TRAPPC9: variants seen among roughly 807,000 people sequenced by gnomAD.
The protein encoded by TRAPPC9 is trafficking protein particle complex subunit 9.
In TRAPPC9, 83 loss-of-function variants were observed where a neutral mutation model predicts 124.0. That is an observed-to-expected ratio of 0.67 (90% confidence interval 0.56 to 0.80). The LOEUF (loss-of-function observed/expected upper bound fraction) is 0.80. Ranked by LOEUF, TRAPPC9 falls within the 30% of genes least tolerant of loss-of-function variation. TRAPPC9 has a pLI of 0.00. For missense variants in TRAPPC9, 1,302 were observed against 1,508.3 expected (o/e 0.86, Z 2.27); for synonymous variants, 638 against 617.5 (o/e 1.03, Z -0.49).
intron 18 of TRAPPC9, among the ~76,000 whole-genome samples, chr8:139,994,738 G>T (rs1837858018): frequency 6.6e-6 from 1 of 152,146 alleles, no homozygotes; most frequent in Non-Finnish European, 1.5e-5. Context: ...TGATGTTTCA[G>T]TTAGGAATCC....
At chr8:140,033,655 GTGGTTTTT>G (rs1840643327) in intron 17 of TRAPPC9, among the ~76,000 whole-genome samples, 1 of 55,444 alleles carries the variant, frequency 1.8e-5, no homozygotes, top group African/African-American at 4.0e-5. Flanking sequence ...TCTTCATAAT[GTGGTTTTT>G]TTTTTTTTTT....
At chr8:140,143,336 C>T (rs2061409055) in intron 17 of TRAPPC9, among the ~76,000 whole-genome samples, 1 of 152,172 alleles carries the variant, frequency 6.6e-6, no homozygotes, top group African/African-American at 2.4e-5. Flanking sequence ...TCCCTGACTC[C>T]CTTTCACTGA....
rs376183963 is a variant in TRAPPC9, at chr8:140,300,620, G to T, written c.1623-6C>A. On this transcript the variant is annotated splice_polypyrimidine_tract_variant and splice_region_variant and intron_variant, in intron 10 of 22. Transcript: ENST00000438773. ...GGTTCAATAGTTTCACATGCCTGTT[G>T]TTTCAAACAGAACACAAATACTTCA... 5.6e-6 allele frequency: 9 copies of T among 1,614,072 alleles called. No homozygotes were observed. The African/African-American group carries it at 1.2e-4, about 22-fold the overall frequency.
intron 21 of TRAPPC9, among the ~76,000 whole-genome samples, chr8:139,792,158 G>A (rs1822734814): frequency 6.6e-6 from 1 of 152,200 alleles, no homozygotes; most frequent in African/African-American, 2.4e-5. Context: ...AGAGAGCACA[G>A]TCCCCCATTC....
Position 140,252,480 on chromosome 8 carries a change from T to C in TRAPPC9, c.2431+297A>G. 3 of 402,264 alleles carry C rather than the reference T, an allele frequency of 7.5e-6. 1 individual carries two copies. Among genetic ancestry groups the C allele is most frequent in the Non-Finnish European group, 1.4e-5 (3 of 217,456 alleles). 24.9% of individuals were successfully genotyped at this position (402,264 alleles called of 1,614,324 possible). ...GATGTCTAAAGAATCACAGCAGTTA[T>C]ACTTGAAAAAACGCAGTAATTCCTA... On this transcript the variant is annotated intron_variant, in intron 16 of 22. Coordinates refer to ENST00000438773, the MANE Select transcript of TRAPPC9 (RefSeq NM_001160372.4). The surrounding 1 kb of genome is among the most constrained non-coding windows in gnomAD (Gnocchi z 4.2).
chr8:139,942,723 G>A (rs969848751), intron 19 of TRAPPC9, among the ~76,000 whole-genome samples: 11 of 152,230 alleles, frequency 7.2e-5, no homozygotes, highest in South Asian at 6.2e-4. Flanking sequence ...ACAGACACCC[G>A]GAAGAAGGAA....
intron 19 of TRAPPC9, among the ~76,000 whole-genome samples, chr8:139,943,130 G>T (rs138476468): frequency 6.6e-6 from 1 of 152,284 alleles, no homozygotes; most frequent in African/African-American, 2.4e-5. Flanking sequence ...GCAGTGGTAC[G>T]ATGTCAGCTC....
intron 17 of TRAPPC9, among the ~76,000 whole-genome samples, chr8:140,090,180 CA>C (rs1480894837): frequency 6.6e-6 from 1 of 152,204 alleles, no homozygotes; most frequent in Non-Finnish European, 1.5e-5. Flanking sequence ...GCTATTATAA[CA>C]TATGTAGGTT....
chr8:139,970,524 G>A (rs889156803), intron 19 of TRAPPC9, among the ~76,000 whole-genome samples: 2 of 152,184 alleles, frequency 1.3e-5, no homozygotes, highest in African/African-American at 4.8e-5. Flanking sequence ...ACCCCAGAGA[G>A]AGGCCCCTTC....
Position 140,252,910 on chromosome 8 carries a change from G to A in TRAPPC9, c.2298C>T (p.Phe766=), listed in dbSNP as rs770060414. Residue 766 remains phenylalanine (F), a synonymous_variant, in exon 16 of 23, where the codon TTC becomes TTT. Transcript: ENST00000438773. The surrounding 1 kb of genome is among the most constrained non-coding windows in gnomAD (Gnocchi z 4.2). ...GGGTTTCCTCTAGCTTCCAGCTCAA[G>A]AAGTCGCCATACAATTTTTCTGTAA... ...LTTKEKLYGD[F]LSWKLEETLA... The A allele has an allele frequency of 1.2e-6, 2 of 1,614,030 alleles. No individual in the cohort carries two copies. The highest frequency in any genetic ancestry group is 1.1e-5 in the South Asian group (1 of 91,080).
At chr8:140,366,672 A>G (rs1245971296) in intron 8 of TRAPPC9, among the ~76,000 whole-genome samples, 1 of 152,268 alleles carries the variant, frequency 6.6e-6, no homozygotes, top group Non-Finnish European at 1.5e-5. Context: ...TACTAATGTT[A>G]TATCTTTAGA....
At chr8:139,932,575 C>T (rs752261037) in intron 19 of TRAPPC9, 3 of 452,736 alleles carry the variant, frequency 6.6e-6, no homozygotes, top group South Asian at 4.7e-5. Flanking sequence ...CCAGCCTGGA[C>T]AACATGGTGA....
chr8:140,345,071 G>C (rs6991480), intron 9 of TRAPPC9, among the ~76,000 whole-genome samples: 14 of 152,048 alleles, frequency 9.2e-5, no homozygotes, highest in African/African-American at 3.4e-4. Context: ...CAGGGTGGGC[G>C]GGTCGACAGT....
At chr8:139,799,933 G>A (rs560429220) in intron 21 of TRAPPC9, among the ~76,000 whole-genome samples, 4 of 152,338 alleles carry the variant, frequency 2.6e-5, no homozygotes, top group African/African-American at 7.2e-5. Context: ...AACTAATCAC[G>A]AGAGGGAAGT....
intron 21 of TRAPPC9, among the ~76,000 whole-genome samples, chr8:139,873,171 G>A (rs574210241): frequency 4.3e-4 from 66 of 152,206 alleles, no homozygotes; most frequent in East Asian, 4.3e-3. Context: ...AAAAGTAAGC[G>A]AATGAAAGTC....
intron 21 of TRAPPC9, among the ~76,000 whole-genome samples, chr8:139,798,964 G>A (rs1309278429): frequency 1.3e-5 from 2 of 152,100 alleles, no homozygotes; most frequent in Non-Finnish European, 2.9e-5. Flanking sequence ...GAATTCCTTG[G>A]TTTGTAACCA....
chr8:139,921,237 T>A (rs1832485737), intron 19 of TRAPPC9, among the ~76,000 whole-genome samples: 1 of 152,182 alleles, frequency 6.6e-6, no homozygotes, highest in Non-Finnish European at 1.5e-5. Context: ...AGTCATCACA[T>A]CACGGCAGAA....
chr8:140,373,197 C>T (rs964606923), intron 7 of TRAPPC9, among the ~76,000 whole-genome samples: 2 of 152,344 alleles, frequency 1.3e-5, no homozygotes, highest in East Asian at 3.8e-4. Flanking sequence ...ATGCTAATGA[C>T]AGGCTAGTCC....
At chr8:140,177,415 T>C (rs1420900841) in intron 17 of TRAPPC9, among the ~76,000 whole-genome samples, 1 of 152,190 alleles carries the variant, frequency 6.6e-6, no homozygotes, top group Non-Finnish European at 1.5e-5. Context: ...CCCTTTGAAT[T>C]ACCTTGGCAC....
Sources: gnomAD v4.1 joint callset for allele counts (sites outside exome capture counted in the v4.1 genomes callset) on GRCh38, gnomAD v4.1.1 for gene constraint, Gnocchi (gnomAD v3.1) non-coding constraint, MANE v1.5 for transcripts, NCBI Gene and HGNC (gene_info 2026-07-23, HGNC 2026-07-21) for gene names.